TENM2: variants seen among roughly 807,000 people sequenced by gnomAD.
TENM2 encodes teneurin-2.
TENM2 carries 52 observed loss-of-function variants against 245.2 expected under a neutral mutation model. The observed-to-expected ratio is 0.21, with a 90% CI of 0.17 to 0.27. TENM2 has a LOEUF of 0.27. Among genes scored for constraint, TENM2 ranks in the 10% least tolerant of loss-of-function variants. The pLI, the probability that TENM2 is intolerant of heterozygous loss-of-function variation, is 1.00. For synonymous variants in TENM2, 1,363 were observed against 1,438.9 expected, an observed-to-expected ratio of 0.95 and a Z score of 1.19; for missense variants, 3,046 against 3,666.8, an observed-to-expected ratio of 0.83 and a Z score of 4.37.
At chr5:167,598,493 T>C (rs1049785063) in intron 2 of TENM2, among the ~76,000 whole-genome samples, 1 of 152,254 alleles carries the variant, frequency 6.6e-6, no homozygotes, top group Non-Finnish European at 1.5e-5. Flanking sequence ...ATAATCTTTC[T>C]ACATTTTGCC....
chr5:167,471,127 G>A (rs146566455), intron 2 of TENM2, among the ~76,000 whole-genome samples: 89 of 152,308 alleles, frequency 5.8e-4, no homozygotes, highest in Non-Finnish European at 1.1e-3. Context: ...AACTTAGAAA[G>A]CAAGTAATCT....
intron 4 of TENM2, among the ~76,000 whole-genome samples, chr5:167,964,844 C>T (rs1053520876): frequency 2.0e-5 from 3 of 152,146 alleles, no homozygotes; most frequent in Non-Finnish European, 4.4e-5. Context: ...GGCTTTGGAC[C>T]ATGTTAAAGC....
At chr5:167,729,963 A>C (rs1266188712) in intron 2 of TENM2, among the ~76,000 whole-genome samples, 1 of 152,208 alleles carries the variant, frequency 6.6e-6, no homozygotes, top group African/African-American at 2.4e-5. Context: ...GACTATAAAG[A>C]GATCTATCTC....
At chr5:167,689,238 G>A (rs1461609006) in intron 2 of TENM2, among the ~76,000 whole-genome samples, 2 of 152,150 alleles carry the variant, frequency 1.3e-5, no homozygotes, top group Non-Finnish European at 1.5e-5. Flanking sequence ...AAGAGGAGTG[G>A]GCAGGAAGAG....
chr5:167,296,219 G>C (rs1176907085), intron 1 of TENM2: 1 of 152,154 alleles, frequency 6.6e-6, no homozygotes, highest in Non-Finnish European at 1.5e-5. Context: ...AAGCCTCTTT[G>C]TGTTCACCCT....
At chr5:167,984,440 G>C (rs1049919904) in intron 4 of TENM2, among the ~76,000 whole-genome samples, 1 of 152,116 alleles carries the variant, frequency 6.6e-6, no homozygotes, top group African/African-American at 2.4e-5. Flanking sequence ...GGTGGATCAC[G>C]AGGTCAGGAG....
intron 2 of TENM2, among the ~76,000 whole-genome samples, chr5:167,645,209 A>C (rs1779851081): frequency 6.6e-6 from 1 of 152,230 alleles, no homozygotes; most frequent in African/African-American, 2.4e-5. Context: ...CTATTAATCT[A>C]AAGGATGAGA....
intron 2 of TENM2, among the ~76,000 whole-genome samples, chr5:167,446,702 G>A (rs371108791): frequency 2.0e-5 from 3 of 151,000 alleles, no homozygotes; most frequent in Middle Eastern, 6.8e-3. Context: ...ACTTTTTTGG[G>A]GGGGGGGATT....
chr5:168,141,484 C>T (rs914890583), intron 12 of TENM2, among the ~76,000 whole-genome samples: 2 of 152,198 alleles, frequency 1.3e-5, no homozygotes, highest in Non-Finnish European at 2.9e-5. Flanking sequence ...TCTGATCCCA[C>T]AAATCAGAAC....
At chr5:167,825,513 A>G (rs1425569222) in intron 2 of TENM2, among the ~76,000 whole-genome samples, 1 of 152,110 alleles carries the variant, frequency 6.6e-6, no homozygotes, top group African/African-American at 2.4e-5. Context: ...TTTCATCTTC[A>G]TCTCCTAGAC....
the TENM2 span, among the ~76,000 whole-genome samples, chr5:167,117,935 T>C: frequency 1.3e-5 from 2 of 149,664 alleles, no homozygotes; most frequent in African/African-American, 4.9e-5. Flanking sequence ...ACCAAGGAAG[T>C]CTTGAGAGGT....
the TENM2 span, among the ~76,000 whole-genome samples, chr5:167,093,771 G>C: frequency 2.0e-5 from 3 of 152,166 alleles, no homozygotes; most frequent in African/African-American, 7.2e-5. Context: ...GATTTGGGTA[G>C]GTAGAAAAAG....
chr5:167,152,259 G>A, the TENM2 span, among the ~76,000 whole-genome samples: 1 of 152,190 alleles, frequency 6.6e-6, no homozygotes, highest in Non-Finnish European at 1.5e-5. Context: ...ACAATCTGAA[G>A]AAGACTGGAA....
intron 3 of TENM2, among the ~76,000 whole-genome samples, chr5:167,946,869 C>A (rs1229043827): frequency 6.6e-6 from 1 of 152,156 alleles, no homozygotes; most frequent in East Asian, 1.9e-4. Context: ...TGGCACAGTA[C>A]CCGACACACA....
chr5:168,071,461 A>C (rs1461275992), intron 7 of TENM2, among the ~76,000 whole-genome samples: 1 of 152,204 alleles, frequency 6.6e-6, no homozygotes, highest in African/African-American at 2.4e-5. Flanking sequence ...TTTTCTGTTC[A>C]CATATAGTCA....
the TENM2 span, among the ~76,000 whole-genome samples, chr5:166,985,804 T>C: frequency 6.6e-6 from 1 of 152,004 alleles, no homozygotes; most frequent in Non-Finnish European, 1.5e-5. Flanking sequence ...CCTTTCTCAT[T>C]CCTGTCAAGC....
intron 2 of TENM2, among the ~76,000 whole-genome samples, chr5:167,395,340 C>G (rs1761993078): frequency 6.6e-6 from 1 of 152,012 alleles, no homozygotes; most frequent in Admixed American, 6.6e-5. Flanking sequence ...GATTTTGTAT[C>G]CTGCAACTTT....
At chr5:168,249,320 A>T (rs959656050) in intron 27 of TENM2, among the ~76,000 whole-genome samples, 4 of 152,132 alleles carry the variant, frequency 2.6e-5, no homozygotes, top group Admixed American at 6.5e-5. Flanking sequence ...AACCAACGAT[A>T]ATGCAAAGTA....
At chr5:167,924,142 G>C (rs189658974) in intron 3 of TENM2, among the ~76,000 whole-genome samples, 1 of 152,296 alleles carries the variant, frequency 6.6e-6, no homozygotes, top group East Asian at 1.9e-4. Context: ...GGATCTGGTT[G>C]CATCGTCTCC....
Sources: gnomAD v4.1 joint callset for allele counts (sites outside exome capture counted in the v4.1 genomes callset) on GRCh38, gnomAD v4.1.1 for gene constraint, MANE v1.5 for transcripts, NCBI Gene and HGNC (gene_info 2026-07-23, HGNC 2026-07-21) for gene names.